FER: variants seen among roughly 807,000 people sequenced by gnomAD.
The protein encoded by FER is tyrosine-protein kinase Fer.
A neutral mutation model predicts 111.0 loss-of-function variants in FER; 63 were observed. The observed-to-expected ratio is 0.57, with a 90% CI of 0.46 to 0.70. The LOEUF is 0.70. Ranked by LOEUF, FER falls within the 30% of genes least tolerant of loss-of-function variation. FER has a pLI of 0.00. For missense variants in FER, 914 were observed against 954.0 expected (o/e 0.96, Z 0.55); for synonymous variants, 327 against 313.9 (o/e 1.04, Z -0.44).
At chr5:108,798,528 C>A in intron 3 of FER, 139 bp downstream of exon 3, 1 of 762,614 alleles carries the variant, frequency 1.3e-6, no homozygotes, top group Non-Finnish European at 2.1e-6. Flanking sequence ...GTATGAAAAT[C>A]TCATGGAGAA....
intron 5 of FER, among the ~76,000 whole-genome samples, chr5:108,858,699 TC>T (rs1203267988): frequency 6.6e-6 from 1 of 152,048 alleles, no homozygotes; most frequent in Non-Finnish European, 1.5e-5. Context: ...ATATTCTTTT[TC>T]CTTTGCTTCT....
intron 19 of FER, among the ~76,000 whole-genome samples, chr5:109,187,077 A>C (rs1389487302): frequency 5.9e-5 from 9 of 152,330 alleles, no homozygotes; most frequent in Admixed American, 6.5e-5. Flanking sequence ...TAAAATCCTC[A>C]TCTTCTCTTC....
intron 2 of FER, among the ~76,000 whole-genome samples, chr5:108,769,900 A>G (rs1752704487): frequency 6.6e-6 from 1 of 152,142 alleles, no homozygotes. Context: ...TGTAATATAT[A>G]CTAGTTAATA....
chr5:109,186,460 G>C, intron 19 of FER, 138 bp downstream of exon 19: 5 of 1,243,700 alleles, frequency 4.0e-6, no homozygotes, highest in Non-Finnish European at 5.7e-6. Context: ...TTCAGAAGCA[G>C]ATTTATCTAA....
At chr5:109,029,976 AG>A (rs1639315424) in intron 13 of FER, among the ~76,000 whole-genome samples, 1 of 152,024 alleles carries the variant, frequency 6.6e-6, no homozygotes, top group Non-Finnish European at 1.5e-5. Flanking sequence ...CTTGCCTTAC[AG>A]GTTCCTAAGG....
chr5:108,768,428 A>G (rs1200631187), intron 2 of FER, among the ~76,000 whole-genome samples, 190 bp downstream of exon 2: 1 of 152,020 alleles, frequency 6.6e-6, no homozygotes, highest in African/African-American at 2.4e-5. Context: ...ATTTTACCTC[A>G]TTTGTGACAT....
intron 13 of FER, among the ~76,000 whole-genome samples, chr5:108,985,558 C>A (rs1435512154): frequency 6.6e-6 from 1 of 152,020 alleles, no homozygotes; most frequent in Non-Finnish European, 1.5e-5. Flanking sequence ...ATACGCTGTA[C>A]CCAGTGTGTA....
chr5:108,952,056 ATAAC>A (rs1275623672), intron 11 of FER, among the ~76,000 whole-genome samples: 4 of 152,152 alleles, frequency 2.6e-5, no homozygotes, highest in Admixed American at 1.3e-4. Flanking sequence ...TCTAGGGAAA[ATAAC>A]TAATAAGACA....
chr5:109,096,224 ATCATC>A, intron 16 of FER, among the ~76,000 whole-genome samples: 1 of 152,022 alleles, frequency 6.6e-6, no homozygotes, highest in Admixed American at 6.6e-5. Flanking sequence ...ATAGCCACCT[ATCATC>A]TCATTAAAAG....
intron 10 of FER, among the ~76,000 whole-genome samples, chr5:108,935,674 C>A (rs1421194285): frequency 6.6e-6 from 1 of 152,032 alleles, no homozygotes; most frequent in Non-Finnish European, 1.5e-5. Flanking sequence ...GAAGCTGGTT[C>A]TTTCTGCCCT....
At chr5:109,125,387 G>A (rs1751581647) in intron 17 of FER, among the ~76,000 whole-genome samples, 1 of 152,196 alleles carries the variant, frequency 6.6e-6, no homozygotes, top group East Asian at 1.9e-4. Context: ...ATTTATGTAA[G>A]TGGTTTTACA....
chr5:109,025,256 G>A (rs1380503887), intron 13 of FER, among the ~76,000 whole-genome samples: 1 of 152,004 alleles, frequency 6.6e-6, no homozygotes, highest in African/African-American at 2.4e-5. Flanking sequence ...CCATGAACAT[G>A]GAATGTTCTT....
intron 16 of FER, among the ~76,000 whole-genome samples, chr5:109,073,170 TGTTA>T (rs1481503521): frequency 6.6e-6 from 1 of 152,154 alleles, no homozygotes; most frequent in Non-Finnish European, 1.5e-5. Context: ...TGGTACACAC[TGTTA>T]GTTGTTTTAA....
intron 17 of FER, among the ~76,000 whole-genome samples, chr5:109,141,464 A>G (rs764451997): frequency 1.3e-5 from 2 of 152,218 alleles, no homozygotes; most frequent in Non-Finnish European, 2.9e-5. Flanking sequence ...CACAGAAGCT[A>G]GAAAAGTTTT....
Position 109,193,837 on chromosome 5 carries a change from T to G in FER, c.*6262T>G, listed in dbSNP as rs995374173. Reference sequence around the variant, plus strand: ...TCAGGTACTTGGGGGCCCCTAGCCTTCTAAGGAACTCCCAGGCACCTACTT... The same window carrying G: ...TCAGGTACTTGGGGGCCCCTAGCCTGCTAAGGAACTCCCAGGCACCTACTT... On this transcript the variant is annotated 3_prime_UTR_variant, in exon 20 of 20. Transcript: ENST00000281092. 5.4e-4 allele frequency: 82 copies of G among 152,290 alleles called. No individual in the cohort carries two copies. The highest frequency in any genetic ancestry group is 1.9e-3 in the African/African-American group (78 of 41,560). 9.4% of individuals were successfully genotyped at this position (152,290 alleles called of 1,614,324 possible).
intron 17 of FER, among the ~76,000 whole-genome samples, chr5:109,136,287 C>T (rs577350508): frequency 2.7e-5 from 4 of 150,086 alleles, no homozygotes; most frequent in South Asian, 4.2e-4. Flanking sequence ...AACTAGACCC[C>T]GTCTAAAAAT....
intron 10 of FER, among the ~76,000 whole-genome samples, chr5:108,925,846 A>G (rs568345792): frequency 6.6e-6 from 1 of 152,170 alleles, no homozygotes; most frequent in South Asian, 2.1e-4. Flanking sequence ...TCTGGTTTAT[A>G]AATTTATAAA....
In FER at chr5:108,820,253, A is replaced by C. The variant is rs139049550; in HGVS notation, c.208-12517A>C. 3.6e-4 allele frequency: 354 copies of C among 985,448 alleles called. 2 individuals carry two copies. In the African/African-American group the frequency reaches 5.9e-3, roughly 16 times the overall value. 61.0% of individuals were successfully genotyped at this position (985,448 alleles called of 1,614,324 possible). A position where few individuals can be genotyped will look rare whatever the true frequency, so the allele number is the denominator to read the frequency against. Reference sequence around the variant, plus strand: ...AAGGAGTTTGTGAGGATGGCACTAAATAAGGAAGTAGCTATTAATAAATAG... The same window carrying C: ...AAGGAGTTTGTGAGGATGGCACTAACTAAGGAAGTAGCTATTAATAAATAG... On this transcript the variant is annotated intron_variant, in intron 3 of 19. Transcript: ENST00000281092.
intron 13 of FER, among the ~76,000 whole-genome samples, chr5:108,996,839 A>G (rs1262491934): frequency 2.0e-5 from 3 of 152,188 alleles, no homozygotes; most frequent in Non-Finnish European, 4.4e-5. Context: ...TTTAATCTAT[A>G]CATTACTTTG....
Sources: allele counts gnomAD v4.1 joint callset (sites outside exome capture counted in the v4.1 genomes callset), GRCh38; gene constraint gnomAD v4.1.1; transcripts MANE v1.5; gene names NCBI Gene and HGNC (gene_info 2026-07-23, HGNC 2026-07-21).